FGF13: variants seen among roughly 807,000 people sequenced by gnomAD.
FGF13 encodes the protein fibroblast growth factor 13.
In FGF13, 2 loss-of-function variants were observed where a neutral mutation model predicts 19.5. That is an observed-to-expected ratio of 0.10 (90% CI 0.04 to 0.32). The LOEUF is 0.32. FGF13 is among the 10% of genes least tolerant of loss of function. FGF13 has a pLI of 1.00. For synonymous variants in FGF13, 72 were observed against 76.9 expected, an observed-to-expected ratio of 0.94 and a Z score of 0.33; for missense variants, 113 against 192.7, an observed-to-expected ratio of 0.59 and a Z score of 2.45.
intron 3 of FGF13, among the ~76,000 whole-genome samples, chrX:138,769,018 C>G (rs756581596): frequency 9.1e-6 from 1 of 109,991 alleles, no homozygotes; most frequent in East Asian, 2.9e-4. Context: ...GCATCAAGTA[C>G]AAGTTATGAA....
chrX:138,809,672 G>T (rs2090904521), intron 3 of FGF13, among the ~76,000 whole-genome samples: 1 of 111,695 alleles, frequency 9.0e-6, no homozygotes, highest in African/African-American at 3.3e-5. Context: ...GTTTGCAGAT[G>T]ACATGATTGT....
rs776961414 is a variant in FGF13, at chrX:138,810,388, C to A, written c.217+47124G>T. ...AATGGTGCTGGGAAAACTGGCTAGCCATATGTAGAAAGCTGAAACTGGATC... is the reference window on the plus strand; with the variant it reads ...AATGGTGCTGGGAAAACTGGCTAGCAATATGTAGAAAGCTGAAACTGGATC... On this transcript the variant is annotated intron_variant, in intron 3 of 6. Coordinates refer to the FGF13 transcript ENST00000436198. Among the ~76,000 whole-genome samples the A allele has an allele frequency of 1.6e-4, 18 of 111,314 alleles. No homozygotes were observed. In the South Asian group the frequency reaches 6.5e-3, roughly 40 times the overall value.
chrX:139,038,191 C>T (rs1393198790), intron 1 of FGF13, among the ~76,000 whole-genome samples: 1 of 111,418 alleles, frequency 9.0e-6, no homozygotes, highest in East Asian at 2.8e-4. Context: ...ACCCCCACTC[C>T]TAGTTTCATC....
At chrX:138,729,949 T>C (rs746999505) in intron 1 of FGF13, among the ~76,000 whole-genome samples, 1 of 111,017 alleles carries the variant, frequency 9.0e-6, no homozygotes, top group South Asian at 3.8e-4. Flanking sequence ...GCAAAAATAT[T>C]CTTCAAAGAT....
At chrX:138,954,178 G>A (rs1189798219) in intron 1 of FGF13, among the ~76,000 whole-genome samples, 1 of 109,813 alleles carries the variant, frequency 9.1e-6, no homozygotes, top group Non-Finnish European at 1.9e-5. Flanking sequence ...GACTTGGGTT[G>A]AATCCAGGCT....
chrX:138,921,213 C>A (rs949520207), intron 1 of FGF13, among the ~76,000 whole-genome samples: 22 of 111,448 alleles, frequency 2.0e-4, no homozygotes, highest in African/African-American at 7.2e-4. Context: ...CTGAGCATGA[C>A]ATTTTTTTCA....
intron 1 of FGF13, among the ~76,000 whole-genome samples, chrX:139,157,916 T>C (rs188189879): frequency 1.1e-4 from 12 of 112,183 alleles, no homozygotes; most frequent in African/African-American, 3.9e-4. Context: ...CCAGCTCATC[T>C]CAATGGGACT....
In FGF13 at chrX:138,961,814, C is replaced by A. The variant is rs758924773; in HGVS notation, c.-112-97164G>T. On this transcript the variant is annotated intron_variant, in intron 1 of 2. Transcript: ENST00000421460. ...CAGGTAGAAAGCTGAAACTGGATCC[C>A]TTCCTTACACCTTATACAAAAATTA... Among the ~76,000 whole-genome samples, 3 of 111,921 alleles carry A rather than the reference C, an allele frequency of 2.7e-5. No homozygotes were observed. In the East Asian group the frequency reaches 8.5e-4, roughly 32 times the overall value.
intron 1 of FGF13, among the ~76,000 whole-genome samples, chrX:138,899,318 T>G (rs1332726193): frequency 1.8e-5 from 2 of 111,157 alleles, no homozygotes; most frequent in Non-Finnish European, 3.8e-5. Flanking sequence ...AATACAAATT[T>G]CAATGTCATG....
At chrX:139,153,571 G>A (rs1272660342) in intron 1 of FGF13, among the ~76,000 whole-genome samples, 2 of 111,020 alleles carry the variant, frequency 1.8e-5, no homozygotes, top group Non-Finnish European at 3.8e-5. Flanking sequence ...CCACTGGGTG[G>A]AAGGGAGTTT....
At chrX:138,666,293 C>A (rs912459618) in intron 3 of FGF13, among the ~76,000 whole-genome samples, 3 of 110,956 alleles carry the variant, frequency 2.7e-5, no homozygotes, top group East Asian at 5.7e-4. Context: ...TGTGTATTTG[C>A]ATTCCTGAAA....
At position 138,897,563 on chromosome X, in the gene FGF13, G is replaced by A. The variant is rs1476915863; in HGVS notation, c.-112-32913C>T. On this transcript the variant is annotated intron_variant, in intron 1 of 2. Transcript: ENST00000421460. ...CTACCAGTGAAGCATCAGGGAAGCAGAGCCAGCCACAGCAGATGCTACACA... is the reference window on the plus strand; with the variant it reads ...CTACCAGTGAAGCATCAGGGAAGCAAAGCCAGCCACAGCAGATGCTACACA... Among the ~76,000 whole-genome samples, 4 of 111,953 alleles carry A rather than the reference G, an allele frequency of 3.6e-5. No individual in the cohort carries two copies. In the South Asian group the frequency reaches 1.1e-3, roughly 32 times the overall value.
intron 1 of FGF13, among the ~76,000 whole-genome samples, chrX:139,126,826 T>C: frequency 9.0e-6 from 1 of 111,413 alleles, no homozygotes; most frequent in South Asian, 3.8e-4. Flanking sequence ...AAATGTCAGC[T>C]CTGAGAATGG....
chrX:138,645,221 C>T (rs1221932647), intron 3 of FGF13, among the ~76,000 whole-genome samples: 1 of 112,199 alleles, frequency 8.9e-6, no homozygotes, highest in African/African-American at 3.2e-5. Context: ...GAGGAGAGTT[C>T]CTCCCACCTC....
chrX:138,999,355 TAG>T (rs2124357725), intron 1 of FGF13, among the ~76,000 whole-genome samples: 1 of 111,116 alleles, frequency 9.0e-6, no homozygotes, highest in African/African-American at 3.3e-5. Flanking sequence ...CTGAAGGAGA[TAG>T]AGACACGAAA....
At chrX:138,970,295 C>T (rs370626579) in intron 1 of FGF13, among the ~76,000 whole-genome samples, 2 of 111,103 alleles carry the variant, frequency 1.8e-5, no homozygotes, top group African/African-American at 3.3e-5. Flanking sequence ...AATAATTAAG[C>T]GGAGGAAGAG....
At chrX:138,952,957 G>A (rs1240746989) in intron 1 of FGF13, among the ~76,000 whole-genome samples, 1 of 111,089 alleles carries the variant, frequency 9.0e-6, no homozygotes, top group African/African-American at 3.3e-5. Flanking sequence ...TGGAGAAATA[G>A]GAACACTTTT....
chrX:139,086,072 ACTT>A (rs1941143174), intron 1 of FGF13, among the ~76,000 whole-genome samples: 1 of 112,289 alleles, frequency 8.9e-6, no homozygotes, highest in African/African-American at 3.2e-5. Context: ...GTTGACTTTT[ACTT>A]CTTCTTTGAA....
intron 1 of FGF13, among the ~76,000 whole-genome samples, chrX:138,727,980 T>C (rs1279612849): frequency 9.0e-6 from 1 of 111,606 alleles, no homozygotes; most frequent in Non-Finnish European, 1.9e-5. Flanking sequence ...CTTTTATTCA[T>C]CCAATATTTT....
Sources: gnomAD v4.1 joint callset for allele counts (sites outside exome capture counted in the v4.1 genomes callset) on GRCh38, gnomAD v4.1.1 for gene constraint, MANE v1.5 for transcripts, NCBI Gene and HGNC (gene_info 2026-07-23, HGNC 2026-07-21) for gene names.